The following PLCXD3 variants were observed in gnomAD, a reference collection of about 807,000 sequenced individuals.
PLCXD3 encodes the protein phosphatidylinositol specific phospholipase C X domain containing 3.
A neutral mutation model predicts 25.5 loss-of-function variants in PLCXD3; 19 were observed. The observed-to-expected ratio is 0.75, with a 90% CI of 0.52 to 1.09. The LOEUF (loss-of-function observed/expected upper bound fraction) is 1.09. Ranked by LOEUF, PLCXD3 falls within the 50% of genes least tolerant of loss-of-function variation. The pLI is 0.00. For synonymous variants in PLCXD3, 174 were observed against 137.6 expected, an observed-to-expected ratio of 1.26 and a Z score of -1.85; for missense variants, 411 against 388.1, an observed-to-expected ratio of 1.06 and a Z score of -0.50.
chr5:41,426,061 C>A (rs1746948716), intron 1 of PLCXD3, among the ~76,000 whole-genome samples: 1 of 152,204 alleles, frequency 6.6e-6, no homozygotes, highest in African/African-American at 2.4e-5. Flanking sequence ...TTCCATTTTA[C>A]ATTCCCACGA....
chr5:41,457,184 A>C (rs553626325), intron 1 of PLCXD3, among the ~76,000 whole-genome samples: 1 of 151,966 alleles, frequency 6.6e-6, no homozygotes, highest in Non-Finnish European at 1.5e-5. Flanking sequence ...GGAGCTGTTG[A>C]CATCCATGTC....
intron 2 of PLCXD3, among the ~76,000 whole-genome samples, chr5:41,340,688 C>A (rs1744114348): frequency 6.6e-6 from 1 of 152,096 alleles, no homozygotes; most frequent in Non-Finnish European, 1.5e-5. Context: ...GTCTCTCAGG[C>A]AGAACTGTTT....
intron 1 of PLCXD3, among the ~76,000 whole-genome samples, chr5:41,501,966 T>C (rs1208581941): frequency 6.6e-6 from 1 of 152,070 alleles, no homozygotes. Context: ...TTTACAAGAA[T>C]AAGAGAAATA....
chr5:41,369,057 T>C (rs549280439), intron 2 of PLCXD3, among the ~76,000 whole-genome samples: 6 of 152,192 alleles, frequency 3.9e-5, no homozygotes, highest in Non-Finnish European at 8.8e-5. Context: ...TGTTGAAGTA[T>C]ATGTATACAG....
At chr5:41,409,824 C>T (rs1363025115) in intron 1 of PLCXD3, among the ~76,000 whole-genome samples, 3 of 152,162 alleles carry the variant, frequency 2.0e-5, no homozygotes, top group Non-Finnish European at 4.4e-5. Flanking sequence ...ACTGATATCA[C>T]TACTTATAAA....
At position 41,428,374 on chromosome 5, in the gene PLCXD3, G is replaced by GTTTTTTTTTTTTTTTTT. The variant is rs373244601; in HGVS notation, c.104-45841_104-45840insAAAAAAAAAAAAAAAAA. Among the ~76,000 whole-genome samples, 14 of 91,598 alleles carry GTTTTTTTTTTTTTTTTT rather than the reference G, an allele frequency of 1.5e-4. 5 individuals are homozygous for GTTTTTTTTTTTTTTTTT. The highest frequency in any genetic ancestry group is 2.1e-4 in the Non-Finnish European group (9 of 43,082). The allele number at this position is 91,598 out of a possible 152,430, so 60.1% of individuals were successfully genotyped here. A position where few individuals can be genotyped will look rare whatever the true frequency, so the allele number is the denominator to read the frequency against. ...TAAAGAGGTGATTAAGTTAAAATGA[G>GTTTTTTTTTTTTTTTTT]TTTTTTTGTTTTTGTTTTTGTTTTT... On this transcript the variant is annotated intron_variant, in intron 1 of 2. Transcript: ENST00000377801.
At chr5:41,360,737 C>A (rs1479330972) in intron 2 of PLCXD3, among the ~76,000 whole-genome samples, 1 of 152,208 alleles carries the variant, frequency 6.6e-6, no homozygotes, top group Non-Finnish European at 1.5e-5. Context: ...GCCATGGATA[C>A]CAGCACCTGC....
At chr5:41,406,037 G>T (rs2150501521) in intron 1 of PLCXD3, among the ~76,000 whole-genome samples, 1 of 152,122 alleles carries the variant, frequency 6.6e-6, no homozygotes, top group African/African-American at 2.4e-5. Flanking sequence ...GCAAATACGT[G>T]AATCCTGCAC....
intron 1 of PLCXD3, among the ~76,000 whole-genome samples, chr5:41,478,088 G>C (rs1009824903): frequency 2.0e-5 from 3 of 152,114 alleles, no homozygotes; most frequent in Non-Finnish European, 1.5e-5. Context: ...CTCATGATAG[G>C]CTGGCCATGT....
In PLCXD3 at chr5:41,312,772, G is replaced by T. The variant is rs1321588574; in HGVS notation, c.*845C>A. The T allele has an allele frequency of 7.0e-6, 1 of 143,370 alleles. No homozygotes were observed. Among genetic ancestry groups the T allele is most frequent in the Non-Finnish European group, 1.5e-5 (1 of 66,474 alleles). The allele number at this position is 143,370 out of a possible 1,614,324, so 8.9% of individuals were successfully genotyped here. On this transcript the variant is annotated 3_prime_UTR_variant, in exon 3 of 3. Coordinates refer to ENST00000377801, the MANE Select transcript of PLCXD3 (RefSeq NM_001005473.3). ...TTTCATCAAGAGCATCATTAAGAGG[G>T]CTTTTTAAAGAGTTATTTTCAGAGT...
intron 1 of PLCXD3, chr5:41,475,606 G>C (rs775917399): frequency 1.9e-6 from 1 of 534,480 alleles, no homozygotes; most frequent in Non-Finnish European, 3.8e-6. Flanking sequence ...GTCCCTTCAG[G>C]TCTCTTCAGG....
chr5:41,425,696 C>T (rs1306962106), intron 1 of PLCXD3, among the ~76,000 whole-genome samples: 1 of 152,100 alleles, frequency 6.6e-6, no homozygotes, highest in Admixed American at 6.5e-5. Context: ...ATAATTTTGT[C>T]GTTTTTAGAA....
chr5:41,493,633 C>G (rs1748759471), intron 1 of PLCXD3, among the ~76,000 whole-genome samples: 1 of 152,244 alleles, frequency 6.6e-6, no homozygotes, highest in South Asian at 2.1e-4. Flanking sequence ...CAAGCCTGGG[C>G]AATGGTGGGC....
intron 1 of PLCXD3, among the ~76,000 whole-genome samples, chr5:41,435,190 C>G (rs1747217914): frequency 6.6e-6 from 1 of 152,144 alleles, no homozygotes; most frequent in South Asian, 2.1e-4. Context: ...GTTCAATATG[C>G]CCTGGGCATT....
At chr5:41,502,578 G>A (rs956093250) in intron 1 of PLCXD3, among the ~76,000 whole-genome samples, 3 of 152,122 alleles carry the variant, frequency 2.0e-5, no homozygotes, top group African/African-American at 7.2e-5. Flanking sequence ...TCTCATCTTA[G>A]AGAACAAGAA....
At chr5:41,315,790 C>T (rs1407529802) in intron 2 of PLCXD3, among the ~76,000 whole-genome samples, 1 of 152,150 alleles carries the variant, frequency 6.6e-6, no homozygotes. Context: ...CAGTGCTGTC[C>T]TGCTAGAGCA....
chr5:41,340,409 G>A (rs1744106616), intron 2 of PLCXD3, among the ~76,000 whole-genome samples: 1 of 152,144 alleles, frequency 6.6e-6, no homozygotes, highest in Non-Finnish European at 1.5e-5. Flanking sequence ...GGAATGCCAT[G>A]CGTTCTCAGT....
chr5:41,423,671 C>T (rs547519642), intron 1 of PLCXD3, among the ~76,000 whole-genome samples: 4 of 152,150 alleles, frequency 2.6e-5, no homozygotes, highest in African/African-American at 7.2e-5. Flanking sequence ...TCTGGCCGGG[C>T]GTGGTGGATC....
Position 41,312,411 on chromosome 5 carries a change from T to G in PLCXD3, c.*1206A>C, listed in dbSNP as rs1743154763. 1 of 152,198 alleles carries G rather than the reference T, an allele frequency of 6.6e-6. No homozygotes were observed. The highest frequency in any genetic ancestry group is 2.4e-5 in the African/African-American group (1 of 41,450). The allele number at this position is 152,198 out of a possible 1,614,324, so 9.4% of individuals were successfully genotyped here. The stretch of plus-strand genomic sequence containing the variant: ...ATTGCTCTAACTGCTTCTACCAGCC[T>G]TCCTCTTTCTTTCCTTCAAGTCAAA... On this transcript the variant is annotated 3_prime_UTR_variant, in exon 3 of 3. Transcript: ENST00000377801.
Sources: allele counts gnomAD v4.1 joint callset (sites outside exome capture counted in the v4.1 genomes callset), GRCh38; gene constraint gnomAD v4.1.1; transcripts MANE v1.5; gene names NCBI Gene and HGNC (gene_info 2026-07-23, HGNC 2026-07-21).